ITGAE: variants seen among roughly 807,000 people sequenced by gnomAD.
The protein encoded by ITGAE is integrin alpha-E.
In ITGAE, 99 loss-of-function variants were observed where a neutral mutation model predicts 136.5. That is an observed-to-expected ratio of 0.73 (90% confidence interval 0.62 to 0.86). The LOEUF is 0.86. Ranked by LOEUF, ITGAE falls within the 40% of genes least tolerant of loss-of-function variation. The probability of loss-of-function intolerance (pLI) is 0.00; values close to 1 mark genes in which losing one functional copy is unlikely to be tolerated. For synonymous variants in ITGAE, 613 were observed against 591.8 expected, an observed-to-expected ratio of 1.04 and a Z score of -0.52; for missense variants, 1,447 against 1,515.3, an observed-to-expected ratio of 0.95 and a Z score of 0.75.
chr17:3,723,624 G>T, intron 27 of ITGAE, 64 bp downstream of exon 27: 1 of 1,456,836 alleles, frequency 6.9e-7, no homozygotes, highest in Non-Finnish European at 9.2e-7. Context: ...ACAGTCTCCT[G>T]GCCTCTCGTT....
Position 3,724,845 on chromosome 17 carries a change from G to A in ITGAE, c.3085-1101C>T, listed in dbSNP as rs147870200. The A allele has an allele frequency of 3.8e-5, 61 of 1,614,100 alleles. No homozygotes were observed. The highest frequency in any genetic ancestry group is 2.3e-4 in the Admixed American group (14 of 60,030). On this transcript the variant is annotated intron_variant, in intron 26 of 30. Coordinates refer to ENST00000263087, the MANE Select transcript of ITGAE (RefSeq NM_002208.5). Reference sequence around the variant, plus strand: ...AGGCCAGGACTCTTGTCAAGAGAGAGGGCTTCAAGAGGCCGTCCGGAGAGA... The same window carrying A: ...AGGCCAGGACTCTTGTCAAGAGAGAAGGCTTCAAGAGGCCGTCCGGAGAGA...
At position 3,747,912 on chromosome 17, in the gene ITGAE, A is replaced by G; in HGVS notation, c.2155+10T>C. On this transcript the variant is annotated intron_variant, in intron 17 of 30. Transcript: ENST00000263087. ...ACACCAGGCAGGGGTCAGCTGGACCATTTTTTTACCTGACTCAGAGGCTGT... is the reference window on the plus strand; with the variant it reads ...ACACCAGGCAGGGGTCAGCTGGACCGTTTTTTTACCTGACTCAGAGGCTGT... The G allele has an allele frequency of 7.1e-6, 11 of 1,544,612 alleles. No homozygotes were observed. Among genetic ancestry groups the G allele is most frequent in the Non-Finnish European group, 9.7e-6 (11 of 1,137,182 alleles).
In ITGAE at chr17:3,724,053, C is replaced by T. The variant is rs34758926; in HGVS notation, c.3085-309G>A. On this transcript the variant is annotated intron_variant, in intron 26 of 30. Transcript: ENST00000263087. ...CGCGCAGTGGTTCCCGCCGCAGGACCGGAGGCGTTTCTTCAACAGCAGCGG... is the reference window on the plus strand; with the variant it reads ...CGCGCAGTGGTTCCCGCCGCAGGACTGGAGGCGTTTCTTCAACAGCAGCGG... 3,383 of 1,597,156 alleles carry T rather than the reference C, an allele frequency of 2.1e-3. 7 individuals are homozygous for T. Among genetic ancestry groups the T allele is most frequent in the Non-Finnish European group, 2.6e-3 (3,093 of 1,177,824 alleles).
At chr17:3,753,717 C>T in intron 13 of ITGAE, 66 bp downstream of exon 13, 9 of 1,590,234 alleles carry the variant, frequency 5.7e-6, no homozygotes, top group Non-Finnish European at 7.7e-6. Context: ...GGACCCACTC[C>T]TTTCCCTTGG....
intron 2 of ITGAE, among the ~76,000 whole-genome samples, chr17:3,766,536 T>A (rs1006792637): frequency 6.6e-6 from 1 of 152,146 alleles, no homozygotes; most frequent in Admixed American, 6.6e-5. Flanking sequence ...GCTCAGTGTC[T>A]CACACCTGTC....
At chr17:3,751,038 T>C (rs1597331153) in intron 15 of ITGAE, among the ~76,000 whole-genome samples, 1 of 151,766 alleles carries the variant, frequency 6.6e-6, no homozygotes, top group African/African-American at 2.4e-5. Context: ...TGACAGGCTG[T>C]GCAGGCTGTG....
intron 7 of ITGAE, 38 bp downstream of exon 7, chr17:3,760,134 C>A (rs753311084): frequency 1.7e-6 from 2 of 1,188,740 alleles, no homozygotes; most frequent in Non-Finnish European, 2.5e-6. Context: ...TGATTCTCAG[C>A]AATAGATAAG....
rs202017551 is a variant in ITGAE at position 3,732,429 on chromosome 17, G to A, written c.2693C>T (p.Pro898Leu). The A allele has an allele frequency of 1.8e-4, 291 of 1,614,008 alleles. 1 individual carries two copies. Among genetic ancestry groups the A allele is most frequent in the Admixed American group, 2.5e-4 (15 of 59,990 alleles). ...SPNIQCDDPQ[P>L]VASVLIMNCR... ...GTTCATGATCAGGACAGAAGCAACC[G>A]GCTGAGGGTCATCACACTGAATGTT... Residue 898 changes from proline to leucine, a missense_variant, in exon 22 of 31, where the codon CCG becomes CTG. Physicochemically the swap from Pro to Leu is moderately conservative, Grantham distance 98. Coordinates refer to ENST00000263087, the MANE Select transcript of ITGAE (RefSeq NM_002208.5).
chr17:3,755,677 A>C (rs917804694), intron 11 of ITGAE, among the ~76,000 whole-genome samples, 153 bp downstream of exon 11: 8 of 152,194 alleles, frequency 5.3e-5, no homozygotes, highest in Admixed American at 4.6e-4. Context: ...AAAATAAATA[A>C]ATAAATTAAT....
chr17:3,723,609 GA>G, intron 27 of ITGAE, 78 bp downstream of exon 27: 1 of 1,422,480 alleles, frequency 7.0e-7, no homozygotes. Context: ...GGTAACCCAG[GA>G]AAAACAGTCT....
At chr17:3,797,235 G>A (rs1339559256) in intron 1 of ITGAE, among the ~76,000 whole-genome samples, 4 of 138,850 alleles carry the variant, frequency 2.9e-5, no homozygotes, top group Non-Finnish European at 4.6e-5. Context: ...GCGCAATCTC[G>A]GCTCACTGCA....
At chr17:3,797,464 C>CTTTT (rs573506680) in intron 1 of ITGAE, among the ~76,000 whole-genome samples, 32 of 114,742 alleles carry the variant, frequency 2.8e-4, no homozygotes, top group East Asian at 1.5e-3. Flanking sequence ...TGCGCCTGGC[C>CTTTT]TTTTTTTTTT....
rs760613075 is a variant in ITGAE at position 3,760,200 on chromosome 17, A to G, written c.686T>C (p.Met229Thr). 6.2e-7 allele frequency: 1 copy of G among 1,613,412 alleles called. No homozygotes were observed. The highest frequency in any genetic ancestry group is 8.5e-7 in the Non-Finnish European group (1 of 1,179,394). The change falls in exon 7 of 31, where the codon ATG becomes ACG. Residue 229 changes from methionine to threonine, a missense_variant. Physicochemically the swap from Met to Thr is moderately conservative, Grantham distance 81. This residue lies in a region of ITGAE where 310 missense variants were observed against 416.1 expected (regional missense o/e 0.74). Coordinates refer to ENST00000263087, the MANE Select transcript of ITGAE (RefSeq NM_002208.5). ...AAAACACTTTTCATAGAAGTTCCTC[A>G]TCATGTTGGAGATGAAGTCTTTGGC... ...QRAKDFISNMMRNFYEKCFEC... is the reference protein window; with the variant it reads ...QRAKDFISNMTRNFYEKCFEC...
chr17:3,723,537 G>T, intron 27 of ITGAE, 151 bp downstream of exon 27: 1 of 1,003,384 alleles, frequency 1.0e-6, no homozygotes, highest in East Asian at 2.6e-5. Context: ...TCCAGCGGGA[G>T]CAATTGAGAC....
At chr17:3,795,956 CCT>C (rs754488767) in intron 1 of ITGAE, among the ~76,000 whole-genome samples, 190 of 92,502 alleles carry the variant, frequency 2.1e-3, no homozygotes, top group Middle Eastern at 0.01. Flanking sequence ...TGTGTGCATC[CCT>C]GTGTGTGCGT....
intron 17 of ITGAE, among the ~76,000 whole-genome samples, chr17:3,746,704 C>T (rs1439850642): frequency 2.0e-5 from 3 of 151,992 alleles, no homozygotes; most frequent in Non-Finnish European, 4.4e-5. Context: ...GTGATCCACC[C>T]GCCTCGGCCT....
At position 3,761,042 on chromosome 17, in the gene ITGAE, T is replaced by A. The variant is rs2052152758; in HGVS notation, c.569A>T (p.Glu190Val). Residue 190 changes from glutamate to valine, a missense_variant, in exon 6 of 31, where the codon GAG becomes GTG. Glu to Val is a moderately radical substitution (Grantham distance 121). Transcript: ENST00000263087. Reference protein sequence around the residue: ...LEKEEEEDKEEEEDEEEEEAG... With the variant: ...LEKEEEEDKEVEEDEEEEEAG... Reference sequence around the variant, plus strand: ...TTCCTCCTCCTCCTCGTCTTCCTCCTCCTCCTTGTCTTCCTCCTCCTCCTT... The same window carrying A: ...TTCCTCCTCCTCCTCGTCTTCCTCCACCTCCTTGTCTTCCTCCTCCTCCTT... 6.2e-7 allele frequency: 1 copy of A among 1,604,804 alleles called. No individual in the cohort carries two copies. The highest frequency in any genetic ancestry group is 1.7e-5 in the Admixed American group (1 of 59,864).
At chr17:3,725,025 A>G (rs2051174359) in intron 26 of ITGAE, 1 of 1,614,096 alleles carries the variant, frequency 6.2e-7, no homozygotes, top group Admixed American at 1.7e-5. Flanking sequence ...AAAGCTGGGA[A>G]AAGATTCGTT....
intron 1 of ITGAE, among the ~76,000 whole-genome samples, chr17:3,794,917 G>A (rs569195785): frequency 1.3e-5 from 2 of 151,876 alleles, no homozygotes; most frequent in Admixed American, 6.5e-5. Context: ...TCTCCTGGGC[G>A]TCCGTGGCAC....
Sources: allele counts gnomAD v4.1 joint callset (sites outside exome capture counted in the v4.1 genomes callset), GRCh38; gene constraint gnomAD v4.1.1; regional missense constraint gnomAD v4.1.1; transcripts MANE v1.5; gene names NCBI Gene and HGNC (gene_info 2026-07-23, HGNC 2026-07-21).